METAP2: variants seen among roughly 807,000 people sequenced by gnomAD.
METAP2 encodes methionine aminopeptidase 2.
In METAP2, 25 loss-of-function variants were observed where a neutral mutation model predicts 59.4. The ratio of observed to expected loss-of-function variants is 0.42; its 90% CI spans 0.31 to 0.59. The LOEUF is 0.59. Ranked by LOEUF, METAP2 falls within the 20% of genes least tolerant of loss-of-function variation. The pLI, the probability that METAP2 is intolerant of heterozygous loss-of-function variation, is 0.16. For missense variants in METAP2, 366 were observed against 581.2 expected (o/e 0.63, Z 3.81); for synonymous variants, 214 against 194.1 (o/e 1.10, Z -0.85).
Position 95,510,221 on chromosome 12 carries a change from G to A in METAP2, c.965-1674G>A, listed in dbSNP as rs181052170. ...TCAGCTTCTCAATTGCAGAAGCTAC[G>A]TAACCTCACTCCTCAAGAAATTGAA... On this transcript the variant is annotated intron_variant, in intron 8 of 10. Coordinates refer to ENST00000323666, the MANE Select transcript of METAP2 (RefSeq NM_006838.4). 4.6e-5 allele frequency among the ~76,000 whole-genome samples: 7 copies of A among 152,302 alleles called. No individual in the cohort carries two copies. The East Asian group carries it at 9.6e-4, about 21-fold the overall frequency.
At chr12:95,505,650 A>G (rs1414290419) in intron 8 of METAP2, among the ~76,000 whole-genome samples, 3 of 152,040 alleles carry the variant, frequency 2.0e-5, no homozygotes, top group Non-Finnish European at 4.4e-5. Context: ...GTGTGCCACC[A>G]TAGTTGGCTG....
intron 7 of METAP2, among the ~76,000 whole-genome samples, chr12:95,503,412 A>T (rs1272215270): frequency 1.3e-5 from 2 of 152,142 alleles, no homozygotes; most frequent in African/African-American, 4.8e-5. Context: ...AAGAAAAATG[A>T]GTATGGACGG....
Position 95,488,511 on chromosome 12 carries a change from C to CAAAAAAA in METAP2, c.428+2552_428+2558dup, listed in dbSNP as rs537119415. On this transcript the variant is annotated intron_variant, in intron 4 of 10. Coordinates refer to ENST00000323666, the MANE Select transcript of METAP2 (RefSeq NM_006838.4). ...GTGACAGAGCGAGACTTTGTCTCAC[C>CAAAAAAA]AAAAAAAAAAAAAAAAAAAAAAAAA... is the stretch of plus-strand genomic sequence containing the variant. 8.4e-3 allele frequency among the ~76,000 whole-genome samples: 646 copies of CAAAAAAA among 76,512 alleles called. 39 individuals are homozygous for CAAAAAAA. Among genetic ancestry groups the CAAAAAAA allele is most frequent in the African/African-American group, 0.031 (623 of 19,854 alleles). The allele number at this position is 76,512 out of a possible 152,430, so 50.2% of individuals were successfully genotyped here. A position where few individuals can be genotyped will look rare whatever the true frequency, so the allele number is the denominator to read the frequency against.
intron 4 of METAP2, among the ~76,000 whole-genome samples, chr12:95,488,008 CTCTT>C (rs1393498300): frequency 6.6e-6 from 1 of 152,122 alleles, no homozygotes; most frequent in Non-Finnish European, 1.5e-5. Flanking sequence ...GTATTTTTCT[CTCTT>C]TCTCATGTAC....
chr12:95,499,396 C>G (rs1041566202), intron 7 of METAP2, among the ~76,000 whole-genome samples: 6 of 152,186 alleles, frequency 3.9e-5, no homozygotes, highest in African/African-American at 1.4e-4. Context: ...CTGCCTCAGC[C>G]TCCCAGAGTG....
chr12:95,484,822 T>A lies in METAP2; in HGVS notation c.326-1057T>A, dbSNP rs1179029850. On this transcript the variant is annotated intron_variant, in intron 3 of 10. Coordinates refer to ENST00000323666, the MANE Select transcript of METAP2 (RefSeq NM_006838.4). ...CAAATAATTTTTTTTTAATGTTGGC[T>A]ACTAAAGGGCTTAGAGCCAAATGTG... is the stretch of plus-strand genomic sequence containing the variant. 6.6e-6 allele frequency: 3 copies of A among 454,474 alleles called. No homozygotes were observed. In the East Asian group the frequency reaches 2.1e-4, roughly 32 times the overall value. The allele number at this position is 454,474 out of a possible 1,614,324, so 28.2% of individuals were successfully genotyped here. A position where few individuals can be genotyped will look rare whatever the true frequency, so the allele number is the denominator to read the frequency against.
intron 7 of METAP2, 60 bp downstream of exon 7, chr12:95,496,158 A>T: frequency 9.1e-7 from 1 of 1,095,592 alleles, no homozygotes; most frequent in Non-Finnish European, 1.3e-6. Context: ...AGGTCTTTTA[A>T]ACACTTAACA....
chr12:95,508,304 A>C (rs2076377514), intron 8 of METAP2, among the ~76,000 whole-genome samples: 1 of 152,126 alleles, frequency 6.6e-6, no homozygotes, highest in South Asian at 2.1e-4. Context: ...TGTTTTGTCC[A>C]GTTCTTTAAA....
chr12:95,503,383 G>T (rs879562091), intron 7 of METAP2, among the ~76,000 whole-genome samples: 2 of 152,070 alleles, frequency 1.3e-5, no homozygotes, highest in Non-Finnish European at 2.9e-5. Context: ...TTAATATCTG[G>T]GCCCCAGAGG....
At chr12:95,493,996 T>G in intron 4 of METAP2, 60 bp from the exon 5 acceptor site, 1 of 1,424,306 alleles carries the variant, frequency 7.0e-7, no homozygotes, top group Non-Finnish European at 9.8e-7. Flanking sequence ...AGTATAGTTG[T>G]CAGCTTTTAT....
chr12:95,478,119 C>T (rs1454710354), intron 2 of METAP2, among the ~76,000 whole-genome samples: 1 of 151,928 alleles, frequency 6.6e-6, no homozygotes, highest in Non-Finnish European at 1.5e-5. Flanking sequence ...GTCCACCTCC[C>T]CCCACCCCCC....
At position 95,513,725 on chromosome 12, in the gene METAP2, C is replaced by T. The variant is rs1313808414; in HGVS notation, c.1258C>T (p.Leu420=). The T allele has an allele frequency of 6.2e-7, 1 of 1,614,202 alleles. No homozygotes were observed. The highest frequency in any genetic ancestry group is 8.5e-7 in the Non-Finnish European group (1 of 1,180,032). ...FGTLAFCRRW[L]DRLGESKYLM... is the part of the protein sequence containing the mutation. ...AACCCTTGCCTTCTGCCGCAGATGG[C>T]TGGATCGCTTGGGAGAAAGTAAATA... Residue 420 remains leucine, a synonymous_variant, in exon 11 of 11, where the codon CTG becomes TTG. Coordinates refer to ENST00000323666, the MANE Select transcript of METAP2 (RefSeq NM_006838.4).
At chr12:95,511,221 C>T (rs1370995378) in intron 8 of METAP2, among the ~76,000 whole-genome samples, 3 of 152,006 alleles carry the variant, frequency 2.0e-5, no homozygotes, top group African/African-American at 7.2e-5. Flanking sequence ...GTATCTTTCA[C>T]ATTATCTTTT....
At chr12:95,498,379 A>G (rs1300246730) in intron 7 of METAP2, among the ~76,000 whole-genome samples, 1 of 152,118 alleles carries the variant, frequency 6.6e-6, no homozygotes, top group Non-Finnish European at 1.5e-5. Context: ...CCTTTTTCTC[A>G]TATTGTGGGT....
At chr12:95,493,270 G>A (rs2076252942) in intron 4 of METAP2, among the ~76,000 whole-genome samples, 1 of 152,198 alleles carries the variant, frequency 6.6e-6, no homozygotes, top group Non-Finnish European at 1.5e-5. Context: ...CGGGGCAGGA[G>A]TTCAAGATCA....
chr12:95,495,363 A>G (rs1179934578), intron 6 of METAP2, among the ~76,000 whole-genome samples: 2 of 152,160 alleles, frequency 1.3e-5, no homozygotes, highest in Non-Finnish European at 2.9e-5. Context: ...GTAGAATAAA[A>G]TGAAAACTGT....
intron 3 of METAP2, chr12:95,483,574 A>T (rs2140141777): frequency 4.3e-6 from 1 of 231,566 alleles, no homozygotes. Flanking sequence ...TAGGGAAATA[A>T]ACTTAGGCTT....
Position 95,515,013 on chromosome 12 carries a change from G to A in METAP2, c.*1109G>A, listed in dbSNP as rs1424635877. 1.3e-5 allele frequency: 2 copies of A among 152,600 alleles called. No homozygotes were observed. Among genetic ancestry groups the A allele is most frequent in the African/African-American group, 2.4e-5 (1 of 41,446 alleles). The allele number at this position is 152,600 out of a possible 1,614,324, so 9.5% of individuals were successfully genotyped here. Reference sequence around the variant, plus strand: ...TTTGTTTGAACTGAGGCCCACTACTGATTCTTTGACAAATTGAATTCTTAT... The same window carrying A: ...TTTGTTTGAACTGAGGCCCACTACTAATTCTTTGACAAATTGAATTCTTAT... On this transcript the variant is annotated 3_prime_UTR_variant, in exon 11 of 11. Coordinates refer to ENST00000323666, the MANE Select transcript of METAP2 (RefSeq NM_006838.4).
At chr12:95,492,516 T>G (rs986325527) in intron 4 of METAP2, among the ~76,000 whole-genome samples, 1 of 151,872 alleles carries the variant, frequency 6.6e-6, no homozygotes, top group African/African-American at 2.4e-5. Flanking sequence ...GCAAAAGAAT[T>G]TCTTTAATTC....
Sources: gnomAD v4.1 joint callset for allele counts (sites outside exome capture counted in the v4.1 genomes callset) on GRCh38, gnomAD v4.1.1 for gene constraint, MANE v1.5 for transcripts, NCBI Gene and HGNC (gene_info 2026-07-23, HGNC 2026-07-21) for gene names.